Variants in SPIB observed in about 807,000 individuals in gnomAD.
SPIB encodes Spi-B transcription factor, also known as transcription factor Spi-B.
Under a neutral mutation model 31.9 loss-of-function variants are expected in SPIB, and 7 were observed. The observed-to-expected ratio is 0.22, with a 90% CI of 0.12 to 0.41. The LOEUF (loss-of-function observed/expected upper bound fraction) is 0.41, where lower values mean the gene tolerates loss of function less well. Among genes scored for constraint, SPIB ranks in the 10% least tolerant of loss-of-function variants. The pLI is 1.00. For synonymous variants in SPIB, 176 were observed against 158.9 expected (o/e 1.11, Z -0.81); for missense variants, 327 against 360.2 (o/e 0.91, Z 0.75).
At chr19:50,425,655 G>C (rs1334473369) in intron 5 of SPIB, among the ~76,000 whole-genome samples, 1 of 152,042 alleles carries the variant, frequency 6.6e-6, no homozygotes. Context: ...TGCCCAGGCT[G>C]AACTCCCAAC....
rs539022662 is a variant in SPIB, at chr19:50,419,470, G to A, written c.24-476G>A. On this transcript the variant is annotated intron_variant, in intron 1 of 5. Coordinates refer to ENST00000595883, the MANE Select transcript of SPIB (RefSeq NM_003121.5). ...ATCTGGGGCTCCAGGAATCCTCCCC[G>A]CCTCTGTGCGTGAATGTCCCTTTGC... Among the ~76,000 whole-genome samples, 5 of 152,060 alleles carry A rather than the reference G, an allele frequency of 3.3e-5. No homozygotes were observed. The South Asian group carries it at 8.3e-4, about 25-fold the overall frequency.
chr19:50,419,134 G>A, intron 1 of SPIB, 149 bp downstream of exon 1: 1 of 882,676 alleles, frequency 1.1e-6, no homozygotes, highest in Non-Finnish European at 1.8e-6. Context: ...TGCCCCTTCT[G>A]GTTCTGTTCC....
At chr19:50,425,949 C>T (rs889600569) in intron 5 of SPIB, among the ~76,000 whole-genome samples, 2 of 152,084 alleles carry the variant, frequency 1.3e-5, no homozygotes, top group Admixed American at 6.6e-5. Context: ...TGGCTCATGC[C>T]TATAATCCCA....
At position 50,428,043 on chromosome 19, in the gene SPIB, C is replaced by G. The variant is rs371372118; in HGVS notation, c.496C>G (p.Arg166Gly). ...PEGKGSEAGT[R>G]KKLRLYQFLL... The stretch of plus-strand genomic sequence containing the variant: ...TGCCCCCGACCCCACCGCAGGGACT[C>G]GCAAGAAGCTGCGCCTGTACCAGTT... Residue 166 changes from arginine to glycine, a missense_variant, in exon 6 of 6, where the codon CGC becomes GGC. Physicochemically the swap from Arg to Gly is moderately radical, Grantham distance 125. Transcript: ENST00000595883. This position sits in a 1 kb window ranked among gnomAD's most constrained non-coding sequence, Gnocchi z 6.5. The G allele has an allele frequency of 6.6e-7, 1 of 1,523,698 alleles. No homozygotes were observed. Among genetic ancestry groups the G allele is most frequent in the South Asian group, 1.2e-5 (1 of 80,560 alleles). 94.4% of individuals were successfully genotyped at this position (1,523,698 alleles called of 1,614,324 possible). A position where few individuals can be genotyped will look rare whatever the true frequency, so the allele number is the denominator to read the frequency against.
Position 50,426,187 on chromosome 19 carries a change from C to T in SPIB, c.491-1851C>T, listed in dbSNP as rs1484017054. The stretch of plus-strand genomic sequence containing the variant: ...TCATGCCACTGCACTCCAGCCTGGG[C>T]AACAGAGCAAGACTCCAGCTCAAAA... On this transcript the variant is annotated intron_variant, in intron 5 of 5. Transcript: ENST00000595883. 3.3e-5 allele frequency among the ~76,000 whole-genome samples: 5 copies of T among 152,044 alleles called. No individual in the cohort carries two copies. In the East Asian group the frequency reaches 9.7e-4, roughly 29 times the overall value.
intron 1 of SPIB, 150 bp from the exon 2 acceptor site, chr19:50,419,795 TG>T: frequency 4.4e-6 from 3 of 684,996 alleles, no homozygotes; most frequent in Non-Finnish European, 6.8e-6. Flanking sequence ...CAGGGGGTAG[TG>T]GGGGAGTCCG....
At position 50,428,510 on chromosome 19, in the gene SPIB, G is replaced by C. The variant is rs1293471540; in HGVS notation, c.*174G>C. 1 of 718,856 alleles carries C rather than the reference G, an allele frequency of 1.4e-6. No individual in the cohort carries two copies. Among genetic ancestry groups the C allele is most frequent in the Non-Finnish European group, 2.1e-6 (1 of 471,496 alleles). 44.5% of individuals were successfully genotyped at this position (718,856 alleles called of 1,614,324 possible). The stretch of plus-strand genomic sequence containing the variant: ...TAATCCCCAAGCCCAGCCCGGGCCT[G>C]TCTGGGATTCCCCACTTGTGCCTGG... On this transcript the variant is annotated 3_prime_UTR_variant, in exon 6 of 6. Coordinates refer to ENST00000595883, the MANE Select transcript of SPIB (RefSeq NM_003121.5). The surrounding 1 kb of genome is among the most constrained non-coding windows in gnomAD (Gnocchi z 6.5).
intron 4 of SPIB, 44 bp from the exon 5 acceptor site, chr19:50,423,561 G>A (rs2039526895): frequency 6.3e-7 from 1 of 1,596,280 alleles, no homozygotes; most frequent in African/African-American, 1.3e-5. Flanking sequence ...AGTGGAGGGA[G>A]ACAAGGGGTC....
Position 50,428,618 on chromosome 19 carries a change from CG to C in SPIB, c.*286del. 2.5e-6 allele frequency: 1 copy of C among 399,274 alleles called. No homozygotes were observed. The allele number at this position is 399,274 out of a possible 1,614,324, so 24.7% of individuals were successfully genotyped here. A position where few individuals can be genotyped will look rare whatever the true frequency, so the allele number is the denominator to read the frequency against. On this transcript the variant is annotated 3_prime_UTR_variant, in exon 6 of 6. Transcript: ENST00000595883. The surrounding 1 kb of genome is among the most constrained non-coding windows in gnomAD (Gnocchi z 6.5). ...GACAGGACCTATGGACCACTATACT[CG>C]GGGAGGCAGGGTAGCAGTTCTTCCA...
At chr19:50,420,041 C>A in intron 2 of SPIB, 68 bp downstream of exon 2, 2 of 1,317,772 alleles carry the variant, frequency 1.5e-6, no homozygotes, top group South Asian at 2.0e-5. Context: ...AAGTCATTTG[C>A]TTCCTGCCTC....
At position 50,422,871 on chromosome 19, in the gene SPIB, A is replaced by G. The variant is rs145129604; in HGVS notation, c.173A>G (p.Tyr58Cys). 7.9e-5 allele frequency: 127 copies of G among 1,608,704 alleles called. No individual in the cohort carries two copies. The African/African-American group carries it at 1.3e-3, about 17-fold the overall frequency. ...GCCCCACCTGTCCCAGCCACCCCCT[A>G]TGAAGCCTTCGACCCGGCAGCAGCC... is the stretch of plus-strand genomic sequence containing the variant. ...TVAPPVPATP[Y>C]EAFDPAAAAF... Residue 58 changes from tyrosine (Y) to cysteine (C), a missense_variant, in exon 4 of 6, where the codon TAT (tyrosine) becomes TGT (cysteine). Coordinates refer to ENST00000595883, the MANE Select transcript of SPIB (RefSeq NM_003121.5).
Position 50,428,044 on chromosome 19 carries a change from G to T in SPIB, c.497G>T (p.Arg166Leu). Residue 166 changes from arginine (R) to leucine (L), a missense_variant, in exon 6 of 6, where the codon CGC becomes CTC. Around this residue, in one of 4 missense-constraint regions of SPIB, gnomAD observed 238 missense variants for 228.8 expected, o/e 1.04. Coordinates refer to ENST00000595883, the MANE Select transcript of SPIB (RefSeq NM_003121.5). This position sits in a 1 kb window ranked among gnomAD's most constrained non-coding sequence, Gnocchi z 6.5. ...GCCCCCGACCCCACCGCAGGGACTC[G>T]CAAGAAGCTGCGCCTGTACCAGTTC... The part of the protein sequence containing the change: ...PEGKGSEAGT[R>L]KKLRLYQFLL... 6.6e-7 allele frequency: 1 copy of T among 1,524,074 alleles called. No individual in the cohort carries two copies. Among genetic ancestry groups the T allele is most frequent in the Non-Finnish European group, 8.9e-7 (1 of 1,129,408 alleles). 94.4% of individuals were successfully genotyped at this position (1,524,074 alleles called of 1,614,324 possible). A position where few individuals can be genotyped will look rare whatever the true frequency, so the allele number is the denominator to read the frequency against.
intron 3 of SPIB, 82 bp from the exon 4 acceptor site, chr19:50,422,741 T>C: frequency 9.1e-7 from 1 of 1,095,580 alleles, no homozygotes; most frequent in Non-Finnish European, 1.3e-6. Flanking sequence ...CAGCCTACAA[T>C]GGCCTCTCTG....
chr19:50,429,615 G>A lies in SPIB; in HGVS notation c.*1279G>A, dbSNP rs1013713151. On this transcript the variant is annotated 3_prime_UTR_variant, in exon 6 of 6. Coordinates refer to ENST00000595883, the MANE Select transcript of SPIB (RefSeq NM_003121.5). ...CCAGCTGCTCAGGAGGCTGAGGTGG[G>A]AGGATCTCTTGAGCCCAGGAAGTAG... 8.5e-5 allele frequency: 13 copies of A among 152,410 alleles called. No homozygotes were observed. The highest frequency in any genetic ancestry group is 3.1e-4 in the African/African-American group (13 of 41,460). 9.4% of individuals were successfully genotyped at this position (152,410 alleles called of 1,614,324 possible).
chr19:50,424,155 A>G (rs2039537269), intron 5 of SPIB, among the ~76,000 whole-genome samples: 1 of 152,104 alleles, frequency 6.6e-6, no homozygotes, highest in Admixed American at 6.6e-5. Context: ...CGTGTGCCCA[A>G]CATCCTTTAT....
chr19:50,426,492 GTTTTA>G (rs993340797), intron 5 of SPIB, among the ~76,000 whole-genome samples: 2 of 152,182 alleles, frequency 1.3e-5, no homozygotes, highest in African/African-American at 4.8e-5. Context: ...CTTTTATTTA[GTTTTA>G]TTTTATTTTA....
At chr19:50,423,838 A>G (rs886254002) in intron 5 of SPIB, 83 bp downstream of exon 5, 3 of 1,479,420 alleles carry the variant, frequency 2.0e-6, no homozygotes, top group Admixed American at 2.0e-5. Flanking sequence ...CTGGGCCTCT[A>G]CATATACTCC....
chr19:50,423,553 T>G, intron 4 of SPIB, 52 bp from the exon 5 acceptor site: 2 of 1,590,460 alleles, frequency 1.3e-6, no homozygotes, highest in Non-Finnish European at 1.7e-6. Flanking sequence ...GAGGAGGAAG[T>G]GGAGGGAGAC....
intron 4 of SPIB, 63 bp downstream of exon 4, chr19:50,423,100 TC>T: frequency 1.2e-6 from 1 of 810,840 alleles, no homozygotes; most frequent in Non-Finnish European, 1.9e-6. Flanking sequence ...ACGCCTGTAA[TC>T]CCAGCTGCTT....
Sources: gnomAD v4.1 joint callset for allele counts (sites outside exome capture counted in the v4.1 genomes callset) on GRCh38, gnomAD v4.1.1 for gene constraint, gnomAD v4.1.1 regional missense constraint, Gnocchi (gnomAD v3.1) non-coding constraint, MANE v1.5 for transcripts, NCBI Gene and HGNC (gene_info 2026-07-23, HGNC 2026-07-21) for gene names.